RUNX1T1: variants seen among roughly 807,000 people sequenced by gnomAD.
RUNX1T1 encodes RUNX1 partner transcriptional co-repressor 1.
In RUNX1T1, 4 loss-of-function variants were observed where a neutral mutation model predicts 62.8. The observed-to-expected ratio is 0.06, with a 90% CI of 0.03 to 0.15. RUNX1T1 has a LOEUF of 0.15. RUNX1T1 is among the 10% of genes least tolerant of loss of function. The pLI is 1.00. For missense variants in RUNX1T1, 508 were observed against 754.3 expected (o/e 0.67, Z 3.82); for synonymous variants, 291 against 286.0 (o/e 1.02, Z -0.18).
intron 5 of RUNX1T1, among the ~76,000 whole-genome samples, chr8:91,995,056 T>A (rs1818407310): frequency 6.6e-6 from 1 of 152,164 alleles, no homozygotes; most frequent in African/African-American, 2.4e-5. Context: ...TTATTTTTTG[T>A]GCAAAAATTA....
intron 4 of RUNX1T1, chr8:92,005,993 C>CACACACACACACACACACA (rs1253242163): frequency 6.6e-6 from 1 of 151,854 alleles, no homozygotes; most frequent in Non-Finnish European, 1.5e-5. Context: ...AATACACACA[C>CACACACACACACACACACA]ACACACACAC....
At chr8:92,038,922 G>A (rs1392539232) in intron 1 of RUNX1T1, among the ~76,000 whole-genome samples, 1 of 151,778 alleles carries the variant, frequency 6.6e-6, no homozygotes, top group Non-Finnish European at 1.5e-5. Flanking sequence ...TCAAAACCTA[G>A]GCTTGCTGGA....
At chr8:92,022,504 T>C (rs755506577) in intron 1 of RUNX1T1, among the ~76,000 whole-genome samples, 26 of 152,296 alleles carry the variant, frequency 1.7e-4, no homozygotes, top group Non-Finnish European at 3.8e-4. Flanking sequence ...ATAAGGGCTC[T>C]ACCATCATGG....
intron 1 of RUNX1T1, among the ~76,000 whole-genome samples, chr8:92,039,722 T>C (rs1412037636): frequency 6.6e-6 from 1 of 152,190 alleles, no homozygotes; most frequent in Non-Finnish European, 1.5e-5. Context: ...CCCATTCTGG[T>C]TGATGGCAAC....
chr8:92,007,070 T>C (rs185890416), intron 4 of RUNX1T1, among the ~76,000 whole-genome samples: 2 of 152,368 alleles, frequency 1.3e-5, no homozygotes, highest in Admixed American at 6.5e-5. Context: ...TTTTTTAAAC[T>C]ATTTTTTGTC....
At chr8:92,071,789 G>A (rs1356630857) in intron 2 of RUNX1T1, among the ~76,000 whole-genome samples, 2 of 152,168 alleles carry the variant, frequency 1.3e-5, no homozygotes, top group African/African-American at 2.4e-5. Context: ...TGCTGGGTAT[G>A]AGCCTGACCC....
Position 92,099,632 on chromosome 8 carries a change from C to T in RUNX1T1, c.-138G>A, listed in dbSNP as rs138103572. 2.0e-3 allele frequency: 1,947 copies of T among 985,426 alleles called. 5 individuals carry two copies. The highest frequency in any genetic ancestry group is 5.5e-3 in the Admixed American group (89 of 16,280). The allele number at this position is 985,426 out of a possible 1,614,324, so 61.0% of individuals were successfully genotyped here. On this transcript the variant is annotated 5_prime_UTR_variant, in exon 1 of 12. Transcript: ENST00000265814. ...GACTCCGTTTTTTTCACATGCAAAT[C>T]CTGCAGGTGCCAATTTTTCAGACTG...
Position 91,959,480 on chromosome 8 carries a change from GTGTGTGTGTA to G in RUNX1T1, c.*752_*761del, listed in dbSNP as rs1563591717. 1.6e-4 allele frequency: 28 copies of G among 174,774 alleles called. 1 individual carries two copies. Among genetic ancestry groups the G allele is most frequent in the African/African-American group, 5.1e-4 (20 of 38,980 alleles). The allele number at this position is 174,774 out of a possible 1,614,324, so 10.8% of individuals were successfully genotyped here. On this transcript the variant is annotated 3_prime_UTR_variant, in exon 11 of 11. Transcript: ENST00000396218. Reference sequence around the variant, plus strand: ...TGTGTGTGTGTGTATATGTGCGTGTGTGTGTGTGTATATATATATATATATATATATATAT... The same window carrying G: ...TGTGTGTGTGTGTATATGTGCGTGTGTATATATATATATATATATATATAT...
At chr8:92,009,720 C>T (rs1014611736) in intron 4 of RUNX1T1, 4 of 151,606 alleles carry the variant, frequency 2.6e-5, no homozygotes, top group Admixed American at 6.6e-5. Context: ...CTAGTCTCAA[C>T]AAACTTGTTC....
exon 3 of RUNX1T1, chr8:92,014,584 G>A: frequency 4.4e-6 from 7 of 1,600,426 alleles, no homozygotes; most frequent in Non-Finnish European, 6.0e-6. Context: ...CTTACCACTA[G>A]TCCCAGAACG....
intron 1 of RUNX1T1, among the ~76,000 whole-genome samples, chr8:92,038,817 C>A (rs1472899032): frequency 6.6e-6 from 1 of 152,146 alleles, no homozygotes; most frequent in African/African-American, 2.4e-5. Context: ...TGCCTCTAGG[C>A]TCAGAAGAGG....
At chr8:92,070,493 T>C (rs898257284) in intron 2 of RUNX1T1, among the ~76,000 whole-genome samples, 3 of 152,202 alleles carry the variant, frequency 2.0e-5, no homozygotes, top group Non-Finnish European at 4.4e-5. Context: ...ACGCTGTGCA[T>C]AATAGATCAC....
chr8:91,990,778 C>T (rs1470400546), intron 6 of RUNX1T1, among the ~76,000 whole-genome samples: 1 of 152,016 alleles, frequency 6.6e-6, no homozygotes, highest in East Asian at 1.9e-4. Context: ...CTGCCTCAGC[C>T]CCACAGGTAG....
At chr8:92,016,481 C>T (rs547546692) in intron 2 of RUNX1T1, among the ~76,000 whole-genome samples, 43 of 152,284 alleles carry the variant, frequency 2.8e-4, no homozygotes, top group Middle Eastern at 3.4e-3. Flanking sequence ...TCAAGACCAG[C>T]CTGACCAACA....
chr8:92,072,988 T>C (rs1324571098), intron 2 of RUNX1T1, among the ~76,000 whole-genome samples: 1 of 152,224 alleles, frequency 6.6e-6, no homozygotes. Flanking sequence ...TTCCATGATA[T>C]GCATGAACAT....
At chr8:92,025,386 TC>T (rs1363961399) in intron 1 of RUNX1T1, among the ~76,000 whole-genome samples, 2 of 152,068 alleles carry the variant, frequency 1.3e-5, no homozygotes, top group African/African-American at 4.8e-5. Flanking sequence ...ATCCACCCCA[TC>T]CCCACCTCTG....
upstream of RUNX1T1, among the ~76,000 whole-genome samples, chr8:92,066,340 G>A (rs1246714479): frequency 1.3e-5 from 2 of 152,178 alleles, no homozygotes; most frequent in African/African-American, 4.8e-5. Flanking sequence ...TCAGACCACT[G>A]GCCACCAAAT....
At chr8:92,049,496 C>T (rs922696949) in intron 1 of RUNX1T1, among the ~76,000 whole-genome samples, 2 of 152,178 alleles carry the variant, frequency 1.3e-5, no homozygotes, top group African/African-American at 4.8e-5. Context: ...CTCTACAGTT[C>T]TGCAGGACAT....
chr8:92,070,455 A>G (rs1297183740), intron 2 of RUNX1T1, among the ~76,000 whole-genome samples: 1 of 152,234 alleles, frequency 6.6e-6, no homozygotes, highest in African/African-American at 2.4e-5. Context: ...GCCTGAGGAT[A>G]CACATAACAC....
Sources: gnomAD v4.1 joint callset for allele counts (sites outside exome capture counted in the v4.1 genomes callset) on GRCh38, gnomAD v4.1.1 for gene constraint, MANE v1.5 for transcripts, NCBI Gene and HGNC (gene_info 2026-07-23, HGNC 2026-07-21) for gene names.